Variants in CLIP1 observed in about 807,000 individuals in gnomAD.
The protein encoded by CLIP1 is CAP-Gly domain containing linker protein 1, also known as CAP-Gly domain-containing linker protein 1.
A neutral mutation model predicts 161.6 loss-of-function variants in CLIP1; 66 were observed. The ratio of observed to expected loss-of-function variants is 0.41; its 90% confidence interval spans 0.33 to 0.50. The LOEUF (loss-of-function observed/expected upper bound fraction) is 0.50, where lower values mean the gene tolerates loss of function less well. Ranked by LOEUF, CLIP1 falls within the 20% of genes least tolerant of loss-of-function variation. CLIP1 has a pLI of 0.27. For synonymous variants in CLIP1, 598 were observed against 626.2 expected, an observed-to-expected ratio of 0.96 and a Z score of 0.67; for missense variants, 1,376 against 1,702.0, an observed-to-expected ratio of 0.81 and a Z score of 3.37.
intron 9 of CLIP1, among the ~76,000 whole-genome samples, 197 bp from the exon 10 acceptor site, chr12:122,347,676 G>T (rs1403582639): frequency 6.6e-6 from 1 of 152,136 alleles, no homozygotes; most frequent in Non-Finnish European, 1.5e-5. Flanking sequence ...AAAGGATGGT[G>T]GTGGGCAGGG....
intron 20 of CLIP1, among the ~76,000 whole-genome samples, chr12:122,301,704 T>C (rs1201980015): frequency 6.6e-6 from 1 of 152,198 alleles, no homozygotes; most frequent in African/African-American, 2.4e-5. Context: ...AACATTAGTA[T>C]GTGCCCATAA....
Position 122,281,163 on chromosome 12 carries a change from A to T in CLIP1, c.3648-2018T>A, listed in dbSNP as rs113156004. On this transcript the variant is annotated intron_variant, in intron 21 of 25. Coordinates refer to ENST00000620786, the MANE Select transcript of CLIP1 (RefSeq NM_001247997.2). ...GCTTACACTTACACTCCAGAATGAG[A>T]AGTAGTAAGAAAAGAATCTGAGACA... Among the ~76,000 whole-genome samples, 75 of 152,316 alleles carry T rather than the reference A, an allele frequency of 4.9e-4. 1 individual carries two copies. The highest frequency in any genetic ancestry group is 1.8e-3 in the African/African-American group (74 of 41,574).
chr12:122,390,279 C>CGT lies in CLIP1; in HGVS notation c.-106-9722_-106-9721insAC, dbSNP rs1292770200. ...ATATATACACACACATATATATATA[C>CGT]ATATATATATATATATATATATATG... On this transcript the variant is annotated intron_variant, in intron 1 of 25. Coordinates refer to ENST00000620786, the MANE Select transcript of CLIP1 (RefSeq NM_001247997.2). Among the ~76,000 whole-genome samples, 47 of 79,016 alleles carry CGT rather than the reference C, an allele frequency of 5.9e-4. 1 individual carries two copies. The highest frequency in any genetic ancestry group is 6.3e-3 in the Middle Eastern group (1 of 160). 51.8% of individuals were successfully genotyped at this position (79,016 alleles called of 152,430 possible).
chr12:122,293,543 A>G (rs1950339404), intron 20 of CLIP1, among the ~76,000 whole-genome samples: 1 of 151,848 alleles, frequency 6.6e-6, no homozygotes, highest in African/African-American at 2.4e-5. Context: ...CAATGGCGCA[A>G]TCTCGGCTCA....
chr12:122,361,813 G>A (rs1037625053), intron 4 of CLIP1, among the ~76,000 whole-genome samples: 8 of 152,130 alleles, frequency 5.3e-5, no homozygotes, highest in African/African-American at 1.9e-4. Flanking sequence ...CCTGGGTGAC[G>A]GGGTGGACTC....
intron 17 of CLIP1, 86 bp downstream of exon 17, chr12:122,327,861 T>C (rs1593075570): frequency 7.8e-7 from 1 of 1,279,846 alleles, no homozygotes; most frequent in Non-Finnish European, 1.1e-6. Flanking sequence ...CTTTTCCCAC[T>C]GGCTGCTGCT....
At chr12:122,330,822 T>A (rs1951923643) in intron 15 of CLIP1, among the ~76,000 whole-genome samples, 1 of 151,584 alleles carries the variant, frequency 6.6e-6, no homozygotes. Flanking sequence ...AGGCTGTTCT[T>A]GAACTCCTGA....
In CLIP1 at chr12:122,319,160, G is replaced by T. The variant is rs1028844594; in HGVS notation, c.3366+72C>A. ...ACACTTCAAAAACATAAGCAATCCT[G>T]AGTCAGTGACCAAACATTCTACCAA... On this transcript the variant is annotated intron_variant, in intron 18 of 25. Transcript: ENST00000620786. 15 of 1,020,900 alleles carry T rather than the reference G, an allele frequency of 1.5e-5. No homozygotes were observed. In the South Asian group the frequency reaches 1.6e-4, roughly 11 times the overall value. 63.2% of individuals were successfully genotyped at this position (1,020,900 alleles called of 1,614,324 possible). A position where few individuals can be genotyped will look rare whatever the true frequency, so the allele number is the denominator to read the frequency against.
intron 17 of CLIP1, among the ~76,000 whole-genome samples, chr12:122,325,302 C>T (rs930493452): frequency 5.9e-5 from 9 of 152,060 alleles, no homozygotes; most frequent in African/African-American, 2.2e-4. Context: ...AAGTGATCCA[C>T]CCACCTAGGC....
At chr12:122,376,027 C>T (rs943262033) in intron 3 of CLIP1, among the ~76,000 whole-genome samples, 1 of 152,038 alleles carries the variant, frequency 6.6e-6, no homozygotes, top group African/African-American at 2.4e-5. Context: ...CAACCTCCAC[C>T]TCCTGGGTTT....
At chr12:122,329,561 T>C (rs1951854641) in intron 15 of CLIP1, among the ~76,000 whole-genome samples, 1 of 146,620 alleles carries the variant, frequency 6.8e-6, no homozygotes, top group Non-Finnish European at 1.5e-5. Flanking sequence ...ACCTGGGAGG[T>C]GGAGCTTGCA....
chr12:122,332,287 C>T (rs1952011070), intron 15 of CLIP1, among the ~76,000 whole-genome samples: 1 of 146,132 alleles, frequency 6.8e-6, no homozygotes, highest in Non-Finnish European at 1.5e-5. Context: ...AAGAGCAAAA[C>T]TCCGTCTCAA....
At chr12:122,361,207 C>T (rs767452975) in intron 4 of CLIP1, 26 bp from the exon 5 acceptor site, 1 of 1,528,678 alleles carries the variant, frequency 6.5e-7, no homozygotes, top group Non-Finnish European at 9.0e-7. Context: ...AGAACAATAA[C>T]AAAAAACAAC....
At chr12:122,319,374 A>G (rs1357801366) in intron 17 of CLIP1, 26 bp from the exon 18 acceptor site, 1 of 1,557,438 alleles carries the variant, frequency 6.4e-7, no homozygotes, top group Non-Finnish European at 8.9e-7. Context: ...CACTGTGAGA[A>G]ATGAGGACAG....
At chr12:122,334,498 T>C in intron 13 of CLIP1, 150 bp downstream of exon 13, 5 of 607,882 alleles carry the variant, frequency 8.2e-6, no homozygotes, top group South Asian at 7.0e-5. Flanking sequence ...AGGAAACCAA[T>C]GGAAGCCAGT....
chr12:122,347,361 G>A lies in CLIP1; in HGVS notation c.1506+14C>T. 1 of 1,567,930 alleles carries A rather than the reference G, an allele frequency of 6.4e-7. No individual in the cohort carries two copies. Among genetic ancestry groups the A allele is most frequent in the Non-Finnish European group, 8.8e-7 (1 of 1,138,638 alleles). Reference sequence around the variant, plus strand: ...ATGCATGGGTCTGCTTCATTAAATAGTGAAAACCATTACCCTAGTGTCTTC... The same window carrying A: ...ATGCATGGGTCTGCTTCATTAAATAATGAAAACCATTACCCTAGTGTCTTC... On this transcript the variant is annotated intron_variant, in intron 10 of 25. Coordinates refer to ENST00000620786, the MANE Select transcript of CLIP1 (RefSeq NM_001247997.2).
intron 9 of CLIP1, among the ~76,000 whole-genome samples, chr12:122,348,073 C>T (rs1322172214): frequency 6.6e-6 from 1 of 152,158 alleles, no homozygotes; most frequent in African/African-American, 2.4e-5. Flanking sequence ...TATTCCTTCT[C>T]TAGCTCCAAC....
At chr12:122,365,394 G>GC (rs1238541389) in intron 3 of CLIP1, 4 of 832,580 alleles carry the variant, frequency 4.8e-6, no homozygotes, top group Non-Finnish European at 8.4e-6. Flanking sequence ...ACAAACAAGG[G>GC]CAAGATTCTT....
intron 1 of CLIP1, among the ~76,000 whole-genome samples, chr12:122,403,224 T>C (rs1477049312): frequency 6.6e-6 from 1 of 152,038 alleles, no homozygotes; most frequent in East Asian, 1.9e-4. Context: ...AAGGAAAAAA[T>C]AGCACTTACA....
Sources: gnomAD v4.1 joint callset for allele counts (sites outside exome capture counted in the v4.1 genomes callset) on GRCh38, gnomAD v4.1.1 for gene constraint, MANE v1.5 for transcripts, NCBI Gene and HGNC (gene_info 2026-07-23, HGNC 2026-07-21) for gene names.